The following LOXHD1 variants were observed in gnomAD, a reference collection of about 807,000 sequenced individuals.
The protein encoded by LOXHD1 is lipoxygenase homology PLAT domains 1, also known as lipoxygenase homology domain-containing protein 1.
A neutral mutation model predicts 248.2 loss-of-function variants in LOXHD1; 205 were observed. That is an observed-to-expected ratio of 0.83 (90% CI 0.74 to 0.93). LOXHD1 has a LOEUF of 0.93. Among genes scored for constraint, LOXHD1 ranks in the 40% least tolerant of loss-of-function variants. The pLI is 0.00. For synonymous variants in LOXHD1, 1,113 were observed against 1,162.8 expected, an observed-to-expected ratio of 0.96 and a Z score of 0.87; for missense variants, 2,930 against 2,971.6, an observed-to-expected ratio of 0.99 and a Z score of 0.33.
At chr18:46,617,914 G>C (rs963433080) in intron 5 of LOXHD1, among the ~76,000 whole-genome samples, 1 of 152,206 alleles carries the variant, frequency 6.6e-6, no homozygotes, top group South Asian at 2.1e-4. Context: ...TGTGAAGCTT[G>C]GGAGTGTCCA....
intron 31 of LOXHD1, among the ~76,000 whole-genome samples, chr18:46,524,140 C>T (rs529455881): frequency 6.6e-6 from 1 of 152,104 alleles, no homozygotes; most frequent in Non-Finnish European, 1.5e-5. Context: ...GACTTCTTCC[C>T]CTGCCTTCAC....
At chr18:46,573,022 CAAAAAAAAAAA>C (rs71162809) in intron 14 of LOXHD1, among the ~76,000 whole-genome samples, 2 of 57,376 alleles carry the variant, frequency 3.5e-5, no homozygotes, top group East Asian at 5.8e-4. Flanking sequence ...GACTCCGTCT[CAAAAAAAAAAA>C]AAAAAAAAAA....
rs534303815 is a variant in LOXHD1 at position 46,635,301 on chromosome 18, G to A, written c.511+4315C>T. Among the ~76,000 whole-genome samples, 15 of 152,218 alleles carry A rather than the reference G, an allele frequency of 9.9e-5. No homozygotes were observed. In the South Asian group the frequency reaches 1.0e-3, roughly 11 times the overall value. On this transcript the variant is annotated intron_variant, in intron 4 of 40. Coordinates refer to ENST00000642948, the MANE Select transcript of LOXHD1 (RefSeq NM_001384474.1). ...GCAACTGATGGGGGTTATGTAGAAG[G>A]GGTTCTTGTGACAGCAGGAGGTTGT...
intron 12 of LOXHD1, among the ~76,000 whole-genome samples, chr18:46,582,771 T>C (rs1421099213): frequency 2.6e-5 from 4 of 152,200 alleles, no homozygotes; most frequent in Non-Finnish European, 5.9e-5. Flanking sequence ...ATTTACATAA[T>C]GAGGAGTTCT....
intron 8 of LOXHD1, among the ~76,000 whole-genome samples, chr18:46,598,206 T>G (rs328138): frequency 0.8 from 121,920 of 152,058 alleles, 49,294 homozygotes; most frequent in Non-Finnish European, 0.86. Context: ...ATGAATAAAA[T>G]AGAAAGACCA....
intron 28 of LOXHD1, among the ~76,000 whole-genome samples, chr18:46,531,627 C>G (rs995300973): frequency 6.6e-6 from 1 of 152,242 alleles, no homozygotes; most frequent in Admixed American, 6.5e-5. Context: ...GATTCAGCTT[C>G]TGAATGCTGA....
At chr18:46,535,851 G>T (rs534583646) in intron 26 of LOXHD1, among the ~76,000 whole-genome samples, 1 of 152,282 alleles carries the variant, frequency 6.6e-6, no homozygotes, top group East Asian at 1.9e-4. Flanking sequence ...CATTACAGGC[G>T]TGAGCCACCG....
chr18:46,592,679 G>C, intron 10 of LOXHD1, 95 bp from the exon 11 acceptor site: 1 of 1,042,936 alleles, frequency 9.6e-7, no homozygotes, highest in Non-Finnish European at 1.5e-6. Context: ...CCTGCTTTGG[G>C]CTCTTTCTTC....
chr18:46,484,962 G>C, intron 39 of LOXHD1, 57 bp downstream of exon 39: 2 of 1,533,240 alleles, frequency 1.3e-6, no homozygotes, highest in Non-Finnish European at 1.8e-6. Context: ...GGAGATTCTC[G>C]GGGTCCTCCC....
At chr18:46,598,088 T>C (rs2144266459) in intron 8 of LOXHD1, among the ~76,000 whole-genome samples, 2 of 152,190 alleles carry the variant, frequency 1.3e-5, no homozygotes, top group Middle Eastern at 3.4e-3. Context: ...ATATTAAACT[T>C]TAATAACTCT....
At chr18:46,651,669 T>C (rs8095650) in intron 1 of LOXHD1, among the ~76,000 whole-genome samples, 10,969 of 150,532 alleles carry the variant, frequency 0.073, 531 homozygotes, top group African/African-American at 0.13. Context: ...ACTGACAAAT[T>C]GGACTTCATT....
chr18:46,604,457 G>A (rs1165313850), intron 6 of LOXHD1, among the ~76,000 whole-genome samples: 1 of 152,170 alleles, frequency 6.6e-6, no homozygotes, highest in Non-Finnish European at 1.5e-5. Context: ...GAATTACTGA[G>A]CCACCGCTCC....
intron 31 of LOXHD1, among the ~76,000 whole-genome samples, chr18:46,522,854 T>TG (rs2035646377): frequency 6.6e-6 from 1 of 152,180 alleles, no homozygotes; most frequent in African/African-American, 2.4e-5. Context: ...TCCATAGAGT[T>TG]GTAGTTTCCC....
chr18:46,551,891 T>C (rs2037120921), intron 21 of LOXHD1, among the ~76,000 whole-genome samples: 2 of 152,218 alleles, frequency 1.3e-5, no homozygotes, highest in African/African-American at 4.8e-5. Flanking sequence ...GGACATCCTG[T>C]CATGTACTAC....
intron 37 of LOXHD1, among the ~76,000 whole-genome samples, chr18:46,494,314 T>C (rs1568089557): frequency 6.6e-6 from 1 of 152,204 alleles, no homozygotes; most frequent in Non-Finnish European, 1.5e-5. Flanking sequence ...AACTGATCAA[T>C]GATTTTTACT....
intron 27 of LOXHD1, 120 bp downstream of exon 27, chr18:46,534,215 T>C: frequency 1.5e-6 from 1 of 657,492 alleles, no homozygotes; most frequent in Non-Finnish European, 2.6e-6. Context: ...TGAATTTTCA[T>C]TATGAGATTT....
intron 21 of LOXHD1, among the ~76,000 whole-genome samples, chr18:46,554,925 A>G (rs1160511065): frequency 1.3e-5 from 2 of 152,208 alleles, no homozygotes; most frequent in African/African-American, 2.4e-5. Flanking sequence ...TAATGGCATA[A>G]CAATCAAAAT....
intron 12 of LOXHD1, among the ~76,000 whole-genome samples, chr18:46,582,014 T>G (rs1312456917): frequency 6.6e-6 from 1 of 152,318 alleles, no homozygotes; most frequent in Non-Finnish European, 1.5e-5. Flanking sequence ...AATTAATCAC[T>G]AGCATATCTG....
intron 40 of LOXHD1, among the ~76,000 whole-genome samples, chr18:46,480,511 T>A (rs549803922): frequency 6.6e-6 from 1 of 152,126 alleles, no homozygotes; most frequent in Non-Finnish European, 1.5e-5. Context: ...GGCTGAAAAA[T>A]ATTCCCTGGT....
Sources: gnomAD v4.1 joint callset for allele counts (sites outside exome capture counted in the v4.1 genomes callset) on GRCh38, gnomAD v4.1.1 for gene constraint, MANE v1.5 for transcripts, NCBI Gene and HGNC (gene_info 2026-07-23, HGNC 2026-07-21) for gene names.